PTPRD: variants seen among roughly 807,000 people sequenced by gnomAD.
The protein encoded by PTPRD is receptor-type tyrosine-protein phosphatase delta.
Under a neutral mutation model 214.5 loss-of-function variants are expected in PTPRD, and 34 were observed. The observed-to-expected ratio is 0.16, with a 90% CI of 0.12 to 0.21. The LOEUF (loss-of-function observed/expected upper bound fraction) is 0.21. Ranked by LOEUF, PTPRD falls within the 10% of genes least tolerant of loss-of-function variation. PTPRD has a pLI of 1.00. For synonymous variants in PTPRD, 1,128 were observed against 845.7 expected (o/e 1.33, Z -5.79); for missense variants, 2,545 against 2,398.7 (o/e 1.06, Z -1.27).
At chr9:10,143,493 C>G (rs1452010311) in intron 3 of PTPRD, among the ~76,000 whole-genome samples, 3 of 151,928 alleles carry the variant, frequency 2.0e-5, no homozygotes, top group Non-Finnish European at 4.4e-5. Flanking sequence ...CCATGGAGAG[C>G]AGTCTGGAAA....
intron 12 of PTPRD, among the ~76,000 whole-genome samples, chr9:8,649,049 G>A (rs559587220): frequency 2.6e-5 from 4 of 152,232 alleles, no homozygotes; most frequent in African/African-American, 4.8e-5. Flanking sequence ...ACATGAGAGC[G>A]GATAAAACTG....
rs759805617 is a variant in PTPRD at position 8,527,369 on chromosome 9, C to T, written c.542-16G>A. On this transcript the variant is annotated splice_polypyrimidine_tract_variant and intron_variant, in intron 15 of 45. Coordinates refer to ENST00000381196, the MANE Select transcript of PTPRD (RefSeq NM_002839.4). Reference sequence around the variant, plus strand: ...CCAATAGATTCTGGAGATTTAAATACGGAGAGAAGAAAGACAGCATAAAAA... The same window carrying T: ...CCAATAGATTCTGGAGATTTAAATATGGAGAGAAGAAAGACAGCATAAAAA... 30 of 1,604,816 alleles carry T rather than the reference C, an allele frequency of 1.9e-5. No homozygotes were observed. The highest frequency in any genetic ancestry group is 5.6e-5 in the South Asian group (5 of 89,598).
chr9:9,171,543 G>C (rs1424139566), intron 10 of PTPRD, among the ~76,000 whole-genome samples: 1 of 151,840 alleles, frequency 6.6e-6, no homozygotes, highest in East Asian at 1.9e-4. Context: ...ATAGACGATT[G>C]TCATAAATGG....
At chr9:8,928,536 G>A (rs2098920714) in intron 11 of PTPRD, among the ~76,000 whole-genome samples, 1 of 151,236 alleles carries the variant, frequency 6.6e-6, no homozygotes, top group African/African-American at 2.4e-5. Flanking sequence ...TATTTCTGAG[G>A]CCTCTGTTCT....
At chr9:9,641,305 G>T (rs2095940645) in intron 7 of PTPRD, among the ~76,000 whole-genome samples, 1 of 152,200 alleles carries the variant, frequency 6.6e-6, no homozygotes, top group Non-Finnish European at 1.5e-5. Flanking sequence ...TGTAAATGCA[G>T]CATGTAATGG....
At chr9:9,341,726 C>T (rs577377534) in intron 9 of PTPRD, among the ~76,000 whole-genome samples, 2 of 152,116 alleles carry the variant, frequency 1.3e-5, no homozygotes, top group South Asian at 4.1e-4. Context: ...TAAAGGATAC[C>T]TGTTTGCATT....
chr9:10,327,105 G>A (rs903471724), intron 3 of PTPRD, among the ~76,000 whole-genome samples: 12 of 149,262 alleles, frequency 8.0e-5, no homozygotes, highest in Non-Finnish European at 1.8e-4. Flanking sequence ...CATATATCAT[G>A]TACATTACAT....
intron 7 of PTPRD, among the ~76,000 whole-genome samples, chr9:9,626,771 A>C (rs986368226): frequency 2.0e-5 from 3 of 152,206 alleles, no homozygotes; most frequent in African/African-American, 7.2e-5. Flanking sequence ...AGGTAAAATG[A>C]AATGGCTCGC....
intron 37 of PTPRD, among the ~76,000 whole-genome samples, chr9:8,381,189 A>T (rs1391705166): frequency 1.3e-5 from 2 of 152,212 alleles, no homozygotes; most frequent in Non-Finnish European, 2.9e-5. Flanking sequence ...ATGGACAAAC[A>T]GGCTAACATT....
intron 11 of PTPRD, among the ~76,000 whole-genome samples, chr9:8,862,929 G>C (rs943665325): frequency 2.0e-5 from 3 of 152,250 alleles, no homozygotes; most frequent in Middle Eastern, 3.4e-3. Context: ...TGGGGTGGTG[G>C]GGGGGAGGGA....
At chr9:9,023,539 T>C (rs182494881) in intron 10 of PTPRD, among the ~76,000 whole-genome samples, 66 of 152,190 alleles carry the variant, frequency 4.3e-4, no homozygotes, top group Admixed American at 3.5e-3. Context: ...TATTTAATCT[T>C]AAATTTCAAC....
intron 6 of PTPRD, among the ~76,000 whole-genome samples, chr9:9,760,531 C>T (rs1483336388): frequency 6.7e-6 from 1 of 148,678 alleles, no homozygotes; most frequent in African/African-American, 2.5e-5. Context: ...CTTATATGTA[C>T]AGCCTCCTGA....
At chr9:9,570,718 A>C (rs891342351) in intron 8 of PTPRD, among the ~76,000 whole-genome samples, 1 of 151,516 alleles carries the variant, frequency 6.6e-6, no homozygotes, top group Non-Finnish European at 1.5e-5. Context: ...AGTGAAAAAC[A>C]TCTAATTAGC....
intron 10 of PTPRD, among the ~76,000 whole-genome samples, chr9:9,077,233 G>A (rs866184478): frequency 3.1e-4 from 47 of 150,766 alleles, no homozygotes; most frequent in African/African-American, 1.1e-3. Flanking sequence ...GTGATGTACA[G>A]TTTACAAATA....
intron 5 of PTPRD, among the ~76,000 whole-genome samples, chr9:9,817,412 G>A: frequency 6.6e-6 from 1 of 152,014 alleles, no homozygotes; most frequent in East Asian, 1.9e-4. Context: ...GAAGTAAGTT[G>A]GTTATTTATA....
At chr9:9,197,787 A>G (rs2099939495) in intron 9 of PTPRD, among the ~76,000 whole-genome samples, 1 of 152,172 alleles carries the variant, frequency 6.6e-6, no homozygotes, top group Non-Finnish European at 1.5e-5. Context: ...TTCATGTTTC[A>G]GATACTCAAT....
intron 14 of PTPRD, among the ~76,000 whole-genome samples, chr9:8,550,509 G>T (rs2081713007): frequency 6.6e-6 from 1 of 152,046 alleles, no homozygotes; most frequent in African/African-American, 2.4e-5. Flanking sequence ...AATCTTAGTT[G>T]GTTAAATGAC....
intron 10 of PTPRD, among the ~76,000 whole-genome samples, chr9:9,026,756 T>G (rs1590045062): frequency 6.6e-6 from 1 of 152,020 alleles, no homozygotes; most frequent in East Asian, 1.9e-4. Flanking sequence ...TCTCTGAAAT[T>G]CAAACTGCTT....
At chr9:9,324,185 A>T (rs1333098915) in intron 9 of PTPRD, among the ~76,000 whole-genome samples, 2 of 152,188 alleles carry the variant, frequency 1.3e-5, no homozygotes, top group Non-Finnish European at 2.9e-5. Context: ...CATGATTTAC[A>T]ATCCTTTGGG....
Sources: gnomAD v4.1 joint callset for allele counts (sites outside exome capture counted in the v4.1 genomes callset) on GRCh38, gnomAD v4.1.1 for gene constraint, MANE v1.5 for transcripts, NCBI Gene and HGNC (gene_info 2026-07-23, HGNC 2026-07-21) for gene names.